MED31: variants seen among roughly 807,000 people sequenced by gnomAD.
MED31 encodes mediator of RNA polymerase II transcription subunit 31.
Under a neutral mutation model 22.0 loss-of-function variants are expected in MED31, and 11 were observed. That is an observed-to-expected ratio of 0.50 (90% CI 0.31 to 0.83). The LOEUF is 0.83. Among genes scored for constraint, MED31 ranks in the 40% least tolerant of loss-of-function variants. The pLI is 0.04. For missense variants in MED31, 122 were observed against 155.3 expected, an observed-to-expected ratio of 0.79 and a Z score of 1.14; for synonymous variants, 60 against 55.1, an observed-to-expected ratio of 1.09 and a Z score of -0.40.
At chr17:6,651,405 C>A in intron 1 of MED31, 96 bp downstream of exon 1, 1 of 1,492,570 alleles carries the variant, frequency 6.7e-7, no homozygotes, top group Non-Finnish European at 9.2e-7. Context: ...AATATTAACC[C>A]TGCCAAGAGT....
chr17:6,650,596 G>A (rs1164477045), intron 1 of MED31, among the ~76,000 whole-genome samples, 163 bp from the exon 2 acceptor site: 1 of 152,168 alleles, frequency 6.6e-6, no homozygotes, highest in Admixed American at 6.5e-5. Flanking sequence ...TAAGAAAAGC[G>A]GAGCCCTGAT....
chr17:6,649,393 G>A (rs907820614), intron 3 of MED31, among the ~76,000 whole-genome samples: 32 of 152,082 alleles, frequency 2.1e-4, no homozygotes, highest in African/African-American at 7.7e-4. Flanking sequence ...TGGCAAATAA[G>A]AGGCCTTAAA....
chr17:6,644,521 G>T lies in MED31; in HGVS notation c.342C>A (p.Arg114=). The T allele has an allele frequency of 6.2e-7, 1 of 1,611,442 alleles. No individual in the cohort carries two copies. The highest frequency in any genetic ancestry group is 8.5e-7 in the Non-Finnish European group (1 of 1,179,362). ...GCTGCTCTGCCAAGGCTTGCTGAAG[G>T]CGCATCCGCTTCCGGGAATAGTGCT... ...HWQHYSRKRM[R]LQQALAEQQQ... The change falls in exon 4 of 4, where the codon CGC becomes CGA. Residue 114 remains arginine (R), a synonymous_variant. Coordinates refer to ENST00000225728, the MANE Select transcript of MED31 (RefSeq NM_016060.3).
intron 1 of MED31, 83 bp from the exon 2 acceptor site, chr17:6,650,516 GA>G: frequency 8.0e-7 from 1 of 1,257,604 alleles, no homozygotes; most frequent in Non-Finnish European, 1.1e-6. Flanking sequence ...GAGCAATAAA[GA>G]AACCTGACTA....
chr17:6,649,336 T>C (rs1237710337), intron 3 of MED31, among the ~76,000 whole-genome samples: 3 of 151,980 alleles, frequency 2.0e-5, no homozygotes, highest in Non-Finnish European at 4.4e-5. Context: ...ATGGTAAATA[T>C]ATATATATAA....
chr17:6,650,090 T>A lies in MED31; in HGVS notation c.107-12A>T. 1.6e-6 allele frequency: 2 copies of A among 1,227,124 alleles called. No homozygotes were observed. Among genetic ancestry groups the A allele is most frequent in the South Asian group, 1.5e-5 (1 of 65,356 alleles). 76.0% of individuals were successfully genotyped at this position (1,227,124 alleles called of 1,614,324 possible). The stretch of plus-strand genomic sequence containing the variant: ...TCTTTGGGCAAGAACTGAAAAGCAT[T>A]AAAAAAAAAAATCTGTAGGTCAAAC... On this transcript the variant is annotated splice_polypyrimidine_tract_variant and intron_variant, in intron 2 of 3. Coordinates refer to ENST00000225728, the MANE Select transcript of MED31 (RefSeq NM_016060.3).
chr17:6,645,947 A>C (rs1167261280), intron 3 of MED31, among the ~76,000 whole-genome samples: 1 of 152,248 alleles, frequency 6.6e-6, no homozygotes, highest in Non-Finnish European at 1.5e-5. Flanking sequence ...GGAGAAACCT[A>C]GACGGTACCA....
intron 3 of MED31, among the ~76,000 whole-genome samples, chr17:6,648,792 G>A (rs1972793243): frequency 1.3e-5 from 2 of 152,138 alleles, no homozygotes; most frequent in Non-Finnish European, 2.9e-5. Flanking sequence ...CTAATATCTG[G>A]CTAACAATCG....
chr17:6,648,728 A>G (rs1035839147), intron 3 of MED31, among the ~76,000 whole-genome samples: 2 of 152,242 alleles, frequency 1.3e-5, no homozygotes, highest in African/African-American at 4.8e-5. Flanking sequence ...TCCAGGGACA[A>G]ACAGACTGGG....
At chr17:6,645,160 C>T (rs7215494) in intron 3 of MED31, among the ~76,000 whole-genome samples, 105,653 of 152,046 alleles carry the variant, frequency 0.69, 37,577 homozygotes, top group African/African-American at 0.87. Context: ...ATTGGACAAG[C>T]AAATATACTG....
At chr17:6,650,321 A>G in intron 2 of MED31, 35 bp downstream of exon 2, 1 of 1,573,944 alleles carries the variant, frequency 6.4e-7, no homozygotes, top group Non-Finnish European at 8.7e-7. Flanking sequence ...AATCATTAAT[A>G]GCTACTCAAT....
Position 6,649,893 on chromosome 17 carries a change from T to C in MED31, c.203+89A>G, listed in dbSNP as rs551150154. The C allele has an allele frequency of 3.1e-6, 4 of 1,273,888 alleles. No individual in the cohort carries two copies. In the East Asian group the frequency reaches 8.4e-5, roughly 27 times the overall value. The allele number at this position is 1,273,888 out of a possible 1,614,324, so 78.9% of individuals were successfully genotyped here. ...GTGATAACAAAAAGAAGTGGAGAGA[T>C]TCCAAATACATTTTTGCCAATGTGA... On this transcript the variant is annotated intron_variant, in intron 3 of 3. Transcript: ENST00000225728.
At chr17:6,648,076 A>G (rs1310963354) in intron 3 of MED31, among the ~76,000 whole-genome samples, 2 of 152,260 alleles carry the variant, frequency 1.3e-5, no homozygotes, top group Admixed American at 6.5e-5. Context: ...ATTTTAGTTG[A>G]CATAATGCTT....
chr17:6,647,994 C>G (rs894493186), intron 3 of MED31, among the ~76,000 whole-genome samples: 1 of 152,190 alleles, frequency 6.6e-6, no homozygotes, highest in Non-Finnish European at 1.5e-5. Context: ...AAGGGAAGTT[C>G]TGCATTTGGT....
chr17:6,650,695 G>A (rs541724751), intron 1 of MED31, among the ~76,000 whole-genome samples: 83 of 152,260 alleles, frequency 5.5e-4, no homozygotes, highest in African/African-American at 1.8e-3. Context: ...TACCACTCGT[G>A]GGCCACTATG....
chr17:6,648,838 T>C (rs1334628168), intron 3 of MED31, among the ~76,000 whole-genome samples: 1 of 152,212 alleles, frequency 6.6e-6, no homozygotes, highest in Non-Finnish European at 1.5e-5. Flanking sequence ...ACGGGCTCAA[T>C]GGAAACCTCC....
chr17:6,647,785 A>G (rs1972784149), intron 3 of MED31, among the ~76,000 whole-genome samples: 2 of 152,236 alleles, frequency 1.3e-5, no homozygotes, highest in Admixed American at 1.3e-4. Context: ...GGTGGCCTTT[A>G]ACAAGGTACT....
intron 1 of MED31, 92 bp from the exon 2 acceptor site, chr17:6,650,525 C>T: frequency 8.5e-7 from 1 of 1,176,194 alleles, no homozygotes; most frequent in Non-Finnish European, 1.2e-6. Context: ...AGAAACCTGA[C>T]TAATGTTGAG....
rs758096065 is a variant in MED31, at chr17:6,650,457, C to G, written c.29-24G>C. 7.5e-6 allele frequency: 12 copies of G among 1,608,668 alleles called. No homozygotes were observed. In the African/African-American group the frequency reaches 1.6e-4, roughly 22 times the overall value. On this transcript the variant is annotated intron_variant, in intron 1 of 3. Coordinates refer to ENST00000225728, the MANE Select transcript of MED31 (RefSeq NM_016060.3). ...ATCTAGGAGACAAGACAGCAAAAAT[C>G]ATGGAAAACAAAGGTCACTGTATAT...
Sources: gnomAD v4.1 joint callset for allele counts (sites outside exome capture counted in the v4.1 genomes callset) on GRCh38, gnomAD v4.1.1 for gene constraint, MANE v1.5 for transcripts, NCBI Gene and HGNC (gene_info 2026-07-23, HGNC 2026-07-21) for gene names.